Variants in CCDC22 observed in about 807,000 individuals in gnomAD.
The protein encoded by CCDC22 is CCC complex scaffolding subunit CCDC22, also known as coiled-coil domain-containing protein 22.
Under a neutral mutation model 53.1 loss-of-function variants are expected in CCDC22, and 4 were observed. The observed-to-expected ratio is 0.08, with a 90% CI of 0.04 to 0.17. The LOEUF is 0.17. Among genes scored for constraint, CCDC22 ranks in the 10% least tolerant of loss-of-function variants. CCDC22 has a pLI of 1.00. For synonymous variants in CCDC22, 222 were observed against 224.4 expected (o/e 0.99, Z 0.10); for missense variants, 458 against 554.0 (o/e 0.83, Z 1.74).
intron 2 of CCDC22, among the ~76,000 whole-genome samples, chrX:49,238,055 G>T (rs781886314): frequency 6.5e-4 from 69 of 105,344 alleles, no homozygotes; most frequent in African/African-American, 2.3e-3. Context: ...ACCGTGCCCA[G>T]CCTTTTCTTT....
chrX:49,248,478 C>T lies in CCDC22; in HGVS notation c.1284C>T (p.Leu428=). The T allele has an allele frequency of 8.3e-7, 1 of 1,210,068 alleles. No individual in the cohort carries two copies. Among genetic ancestry groups the T allele is most frequent in the Non-Finnish European group, 1.1e-6 (1 of 894,783 alleles). The stretch of plus-strand genomic sequence containing the variant: ...AGTGGGAGAAGCACCGGGTCCCACT[C>T]CTCGCTGAGTACCGCCACCTCCGAA... ...AGQWEKHRVP[L]LAEYRHLRKL... is the part of the protein sequence containing the mutation. The change falls in exon 11 of 17, where the codon CTC becomes CTT. Residue 428 remains leucine, a synonymous_variant. Coordinates refer to ENST00000376227, the MANE Select transcript of CCDC22 (RefSeq NM_014008.5).
At position 49,237,204 on chromosome X, in the gene CCDC22, C is replaced by T. The variant is rs1557112848; in HGVS notation, c.169C>T (p.Leu57=). Residue 57 remains leucine (L), a synonymous_variant, in exon 2 of 17, where the codon CTG becomes TTG. Transcript: ENST00000376227. ...PAVGSGLSPL[L]PLAMSARFRL... ...GGTGGGCTCTGGCCTCAGCCCTCTG[C>T]TGCCTCTTGCCATGTCTGCCCGGTT... The T allele has an allele frequency of 1.4e-5, 17 of 1,210,812 alleles. No homozygotes were observed. The highest frequency in any genetic ancestry group is 3.5e-5 in the African/African-American group (2 of 57,634).
chrX:49,237,616 A>G (rs1044917243), intron 2 of CCDC22, among the ~76,000 whole-genome samples: 76 of 111,555 alleles, frequency 6.8e-4, no homozygotes, highest in African/African-American at 2.4e-3. Flanking sequence ...CCTGGCTTCT[A>G]TGTTTTAAAT....
chrX:49,246,131 C>T (rs896386929), intron 6 of CCDC22, among the ~76,000 whole-genome samples: 1 of 111,046 alleles, frequency 9.0e-6, no homozygotes, highest in Non-Finnish European at 1.9e-5. Context: ...ATTACAGGAG[C>T]ACACTAAGTT....
intron 2 of CCDC22, among the ~76,000 whole-genome samples, chrX:49,238,490 C>T (rs1602667136): frequency 8.9e-6 from 1 of 112,916 alleles, no homozygotes; most frequent in Non-Finnish European, 1.9e-5. Flanking sequence ...AAAAGAGTGT[C>T]TGCTATATTA....
At chrX:49,239,730 C>T (rs2065954735) in intron 2 of CCDC22, among the ~76,000 whole-genome samples, 1 of 110,667 alleles carries the variant, frequency 9.0e-6, no homozygotes, top group Non-Finnish European at 1.9e-5. Context: ...AGTCTGTCCC[C>T]TGGCCCAGGA....
intron 2 of CCDC22, among the ~76,000 whole-genome samples, chrX:49,241,330 A>T (rs2147936674): frequency 9.1e-6 from 1 of 109,644 alleles, no homozygotes; most frequent in African/African-American, 3.3e-5. Flanking sequence ...TACACTGAAA[A>T]TACAAAAATT....
intron 1 of CCDC22, 142 bp downstream of exon 1, chrX:49,235,828 C>CAT (rs1189535730): frequency 3.1e-6 from 1 of 327,158 alleles, no homozygotes; most frequent in East Asian, 6.0e-5. Context: ...CACCCCCTTA[C>CAT]ACACACACAC....
Position 49,249,493 on chromosome X carries a change from C to T in CCDC22, c.1636-16C>T. ...GGCAGCCCACTGATACCTTTGAGGT[C>T]CCTGTGTCTGGTCAGGATGCCAAGA... On this transcript the variant is annotated splice_polypyrimidine_tract_variant and intron_variant, in intron 14 of 16. Coordinates refer to ENST00000376227, the MANE Select transcript of CCDC22 (RefSeq NM_014008.5). 3 of 1,205,785 alleles carry T rather than the reference C, an allele frequency of 2.5e-6. No individual in the cohort carries two copies. The highest frequency in any genetic ancestry group is 3.5e-5 in the South Asian group (2 of 56,800).
intron 6 of CCDC22, among the ~76,000 whole-genome samples, chrX:49,246,427 T>G (rs2065989906): frequency 8.9e-6 from 1 of 112,292 alleles, no homozygotes; most frequent in African/African-American, 3.2e-5. Flanking sequence ...CCCGATATCC[T>G]GTCTATGCTT....
At chrX:49,249,612 TGGG>T in intron 15 of CCDC22, 36 bp from the exon 16 acceptor site, 5 of 146,021 alleles carry the variant, frequency 3.4e-5, no homozygotes, top group East Asian at 1.8e-4. Context: ...TGGGGGTGGG[TGGG>T]ACTGGGTGCA....
chrX:49,239,475 C>T (rs942093367), intron 2 of CCDC22: 5 of 738,536 alleles, frequency 6.8e-6, no homozygotes, highest in Non-Finnish European at 4.8e-6. Context: ...AATGGAAACA[C>T]TTTGAACTGA....
Position 49,242,916 on chromosome X carries a change from G to A in CCDC22, c.392G>A (p.Gly131Glu). 2 of 1,165,654 alleles carry A rather than the reference G, an allele frequency of 1.7e-6. No homozygotes were observed. Among genetic ancestry groups the A allele is most frequent in the African/African-American group, 1.8e-5 (1 of 56,283 alleles). The change falls in exon 4 of 17, where the codon GGG (glycine) becomes GAG (glutamate). Residue 131 changes from glycine to glutamate, a missense_variant. Gly to Glu is a moderately conservative substitution (Grantham distance 98). This residue lies in a region of CCDC22 where 309 missense variants were observed against 312.3 expected (regional missense o/e 0.99). Transcript: ENST00000376227. ...TCAGCTATTCTCCTCCGGGCCATTG[G>A]GAGCCAAATTCGGGACCAGCTGGCA... ...GDSAILLRAI[G>E]SQIRDQLALP...
At chrX:49,242,859 G>A in intron 3 of CCDC22, 27 bp from the exon 4 acceptor site, 4 of 989,700 alleles carry the variant, frequency 4.0e-6, no homozygotes, top group Non-Finnish European at 4.1e-6. Flanking sequence ...ATTGACATCT[G>A]ATTCACTTCC....
At chrX:49,246,518 A>T (rs1262908174) in intron 6 of CCDC22, among the ~76,000 whole-genome samples, 7 of 111,277 alleles carry the variant, frequency 6.3e-5, no homozygotes, top group Non-Finnish European at 1.3e-4. Flanking sequence ...GGGTGGAGAG[A>T]AGTATGTCTG....
Position 49,248,689 on chromosome X carries a change from G to A in CCDC22, c.1386G>A (p.Ala462=), listed in dbSNP as rs368390290. The A allele has an allele frequency of 1.7e-5, 20 of 1,208,841 alleles. No homozygotes were observed. In the African/African-American group the frequency reaches 1.8e-4, roughly 11 times the overall value. ...EIQELHQSVR[A]AAEEARRKEE... ...AAGAACTGCACCAGAGTGTCCGGGC[G>A]GCTGCTGAAGAGGCCCGCAGGAAGG... Residue 462 remains alanine, a synonymous_variant, in exon 12 of 17, where the codon GCG becomes GCA. Coordinates refer to ENST00000376227, the MANE Select transcript of CCDC22 (RefSeq NM_014008.5).
intron 2 of CCDC22, among the ~76,000 whole-genome samples, chrX:49,240,322 C>T (rs1029415561): frequency 9.4e-5 from 10 of 106,294 alleles, no homozygotes; most frequent in African/African-American, 2.8e-4. Flanking sequence ...GAGGTGGAGG[C>T]GGGCAGATCT....
intron 1 of CCDC22, 197 bp from the exon 2 acceptor site, chrX:49,236,889 A>C (rs2065940450): frequency 2.7e-6 from 1 of 368,529 alleles, no homozygotes; most frequent in Admixed American, 4.9e-5. Context: ...TCCTACTCCA[A>C]GATCTTAGGA....
In CCDC22 at chrX:49,235,672, G is replaced by T; in HGVS notation, c.36G>T (p.Leu12=). ...EEADRILIHS[L]RQAGTAVPPD... ...CGGACCGAATCCTCATCCATTCGCT[G>T]CGCCAGGCCGGCACGTAAGGACAGA... Residue 12 remains leucine, a synonymous_variant, in exon 1 of 17, where the codon CTG becomes CTT. Transcript: ENST00000376227. 1 of 1,186,252 alleles carries T rather than the reference G, an allele frequency of 8.4e-7. No individual in the cohort carries two copies. Among genetic ancestry groups the T allele is most frequent in the Non-Finnish European group, 1.1e-6 (1 of 882,963 alleles).
Sources: allele counts gnomAD v4.1 joint callset (sites outside exome capture counted in the v4.1 genomes callset), GRCh38; gene constraint gnomAD v4.1.1; regional missense constraint gnomAD v4.1.1; transcripts MANE v1.5; gene names NCBI Gene and HGNC (gene_info 2026-07-23, HGNC 2026-07-21).